The following AKAP13 variants were observed in gnomAD, a reference collection of about 807,000 sequenced individuals.
AKAP13 encodes the protein A-kinase anchoring protein 13.
AKAP13 carries 80 observed loss-of-function variants against 264.5 expected under a neutral mutation model. The observed-to-expected ratio is 0.30, with a 90% CI of 0.25 to 0.36. The LOEUF (loss-of-function observed/expected upper bound fraction) is 0.36. Ranked by LOEUF, AKAP13 falls within the 10% of genes least tolerant of loss-of-function variation. The pLI, the probability that AKAP13 is intolerant of heterozygous loss-of-function variation, is 1.00. For missense variants in AKAP13, 3,712 were observed against 3,435.2 expected (o/e 1.08, Z -2.01); for synonymous variants, 1,380 against 1,250.2 (o/e 1.10, Z -2.19).
intron 8 of AKAP13, among the ~76,000 whole-genome samples, chr15:85,594,513 CAT>C (rs2079722945): frequency 6.6e-6 from 1 of 152,188 alleles, no homozygotes; most frequent in African/African-American, 2.4e-5. Flanking sequence ...AAGATATATG[CAT>C]TATGTATCAG....
rs1322605433 is a variant in AKAP13 at position 85,746,879 on chromosome 15, G to A, written c.*2202G>A. Reference sequence around the variant, plus strand: ...TTCTCCGGGTTTGGAACAATACGAGGTTGGTGCTGATGGGATTTACTTGCG... The same window carrying A: ...TTCTCCGGGTTTGGAACAATACGAGATTGGTGCTGATGGGATTTACTTGCG... On this transcript the variant is annotated 3_prime_UTR_variant, in exon 37 of 37. Coordinates refer to ENST00000394518, the MANE Select transcript of AKAP13 (RefSeq NM_007200.5). 6.6e-6 allele frequency: 1 copy of A among 152,190 alleles called. No homozygotes were observed. The highest frequency in any genetic ancestry group is 2.4e-5 in the African/African-American group (1 of 41,442). The allele number at this position is 152,190 out of a possible 1,614,324, so 9.4% of individuals were successfully genotyped here. A position where few individuals can be genotyped will look rare whatever the true frequency, so the allele number is the denominator to read the frequency against.
At chr15:85,532,333 T>C (rs532268821) in intron 3 of AKAP13, among the ~76,000 whole-genome samples, 1 of 152,352 alleles carries the variant, frequency 6.6e-6, no homozygotes, top group African/African-American at 2.4e-5. Flanking sequence ...AAAGCTTAGT[T>C]CATTCCAAGT....
intron 4 of AKAP13, chr15:85,534,441 GT>G (rs576674839): frequency 1.3e-5 from 2 of 150,704 alleles, no homozygotes; most frequent in Non-Finnish European, 3.0e-5. Context: ...TTTGTTTTTT[GT>G]TTTTTTTTGA....
intron 1 of AKAP13, among the ~76,000 whole-genome samples, chr15:85,433,928 G>A (rs956376770): frequency 3.1e-4 from 45 of 146,164 alleles, no homozygotes; most frequent in African/African-American, 1.2e-3. Flanking sequence ...GTGACAGAGC[G>A]AGACTCTGTC....
intron 1 of AKAP13, among the ~76,000 whole-genome samples, chr15:85,465,097 C>T (rs984028013): frequency 2.0e-5 from 3 of 148,140 alleles, no homozygotes; most frequent in Non-Finnish European, 3.0e-5. Context: ...CCCACCACCA[C>T]GCCTGGCTAA....
At chr15:85,589,446 T>G (rs1225861879) in intron 8 of AKAP13, among the ~76,000 whole-genome samples, 1 of 151,980 alleles carries the variant, frequency 6.6e-6, no homozygotes, top group East Asian at 1.9e-4. Context: ...GAATTATGTT[T>G]CCAGCCATTA....
intron 5 of AKAP13, among the ~76,000 whole-genome samples, chr15:85,551,888 T>C (rs1358036196): frequency 1.3e-5 from 2 of 152,222 alleles, no homozygotes; most frequent in African/African-American, 4.8e-5. Context: ...TTTTACTTGG[T>C]CAATTCTAAA....
intron 8 of AKAP13, among the ~76,000 whole-genome samples, chr15:85,606,673 G>C (rs1344211503): frequency 6.6e-6 from 1 of 152,216 alleles, no homozygotes; most frequent in Non-Finnish European, 1.5e-5. Context: ...GACTACAGTT[G>C]AAGAGATCTT....
chr15:85,660,599 A>G (rs900562992), intron 12 of AKAP13, among the ~76,000 whole-genome samples: 3 of 152,176 alleles, frequency 2.0e-5, no homozygotes, highest in African/African-American at 7.2e-5. Flanking sequence ...AGGTAAAAAT[A>G]TGCCTATTTA....
intron 1 of AKAP13, among the ~76,000 whole-genome samples, chr15:85,404,007 C>T (rs953750927): frequency 3.9e-5 from 6 of 152,130 alleles, no homozygotes; most frequent in African/African-American, 1.4e-4. Context: ...TGCCTGGAGC[C>T]ATAGTGATCT....
At chr15:85,389,682 G>A (rs918935242) in intron 1 of AKAP13, 2 of 152,176 alleles carry the variant, frequency 1.3e-5, no homozygotes, top group Non-Finnish European at 2.9e-5. Context: ...TTGCTTTGTG[G>A]GAAATACAAA....
intron 1 of AKAP13, among the ~76,000 whole-genome samples, chr15:85,398,165 T>C (rs2071211505): frequency 6.6e-6 from 1 of 152,074 alleles, no homozygotes; most frequent in Non-Finnish European, 1.5e-5. Flanking sequence ...AGGGACATCA[T>C]TGTGAGCTAT....
chr15:85,469,549 T>G (rs1250551842), intron 1 of AKAP13, among the ~76,000 whole-genome samples: 1 of 152,328 alleles, frequency 6.6e-6, no homozygotes. Context: ...TGCAGGCCAT[T>G]TCTGGTGGAC....
intron 14 of AKAP13, among the ~76,000 whole-genome samples, chr15:85,673,826 C>T (rs1163041349): frequency 6.6e-6 from 1 of 150,658 alleles, no homozygotes; most frequent in Non-Finnish European, 1.5e-5. Context: ...GCTGGGACTA[C>T]AGGTGCCCGC....
chr15:85,659,410 G>C (rs1237328820), intron 12 of AKAP13, among the ~76,000 whole-genome samples: 1 of 152,014 alleles, frequency 6.6e-6, no homozygotes, highest in Non-Finnish European at 1.5e-5. Flanking sequence ...TGGGCAAATA[G>C]TGATCTTTCC....
intron 8 of AKAP13, among the ~76,000 whole-genome samples, chr15:85,632,867 TA>T (rs766707532): frequency 6.8e-4 from 24 of 35,176 alleles, no homozygotes; most frequent in South Asian, 2.8e-3. Context: ...TTCTAAGAAA[TA>T]AAATTTTTTT....
rs750317670 is a variant in AKAP13 at position 85,533,737 on chromosome 15, C to G, written c.335C>G (p.Ala112Gly). ...GCAACCAGTGCTGGAAATCAGCAGGCTTTGAACTTTACCCGTTTTCTTGAC... is the reference window on the plus strand; with the variant it reads ...GCAACCAGTGCTGGAAATCAGCAGGGTTTGAACTTTACCCGTTTTCTTGAC... The part of the protein sequence containing the change: ...FLATSAGNQQ[A>G]LNFTRFLDQS... Residue 112 changes from alanine to glycine, a missense_variant, in exon 4 of 37, where the codon GCT (alanine) becomes GGT (glycine). This residue lies in a region of AKAP13 where 2,759 missense variants were observed against 2,411.7 expected (regional missense o/e 1.14). Coordinates refer to ENST00000394518, the MANE Select transcript of AKAP13 (RefSeq NM_007200.5). 6 of 1,614,072 alleles carry G rather than the reference C, an allele frequency of 3.7e-6. No individual in the cohort carries two copies. The East Asian group carries it at 1.3e-4, about 36-fold the overall frequency.
chr15:85,731,649 CT>C (rs1380716875), intron 30 of AKAP13, among the ~76,000 whole-genome samples: 2 of 151,952 alleles, frequency 1.3e-5, no homozygotes, highest in Admixed American at 1.3e-4. Flanking sequence ...CTAGTTGTCT[CT>C]TTTTTTGTGA....
intron 1 of AKAP13, among the ~76,000 whole-genome samples, chr15:85,408,500 C>T (rs1268595806): frequency 6.6e-6 from 1 of 151,546 alleles, no homozygotes; most frequent in African/African-American, 2.4e-5. Context: ...CCTCCGTGTC[C>T]CTGGCAAATA....
Sources: allele counts gnomAD v4.1 joint callset (sites outside exome capture counted in the v4.1 genomes callset), GRCh38; gene constraint gnomAD v4.1.1; regional missense constraint gnomAD v4.1.1; transcripts MANE v1.5; gene names NCBI Gene and HGNC (gene_info 2026-07-23, HGNC 2026-07-21).